GPC6: variants seen among roughly 807,000 people sequenced by gnomAD.
GPC6 encodes glypican 6, also known as glypican-6.
Under a neutral mutation model 55.2 loss-of-function variants are expected in GPC6, and 14 were observed. The observed-to-expected ratio is 0.25, with a 90% CI of 0.17 to 0.40. The LOEUF is 0.40. Among genes scored for constraint, GPC6 ranks in the 10% least tolerant of loss-of-function variants. GPC6 has a pLI of 1.00. For synonymous variants in GPC6, 278 were observed against 259.6 expected, an observed-to-expected ratio of 1.07 and a Z score of -0.68; for missense variants, 641 against 708.5, an observed-to-expected ratio of 0.90 and a Z score of 1.08.
At chr13:94,059,330 A>C (rs1200746203) in intron 4 of GPC6, among the ~76,000 whole-genome samples, 1 of 151,890 alleles carries the variant, frequency 6.6e-6, no homozygotes, top group East Asian at 1.9e-4. Flanking sequence ...GAGTGCCTAC[A>C]TGGAAGGAAA....
chr13:93,932,198 G>C (rs1878212306), intron 3 of GPC6, among the ~76,000 whole-genome samples: 1 of 152,130 alleles, frequency 6.6e-6, no homozygotes. Context: ...CTGATTGCAA[G>C]GCTAAATTTT....
intron 1 of GPC6, among the ~76,000 whole-genome samples, chr13:93,543,158 G>T (rs1207882638): frequency 6.6e-6 from 1 of 152,008 alleles, no homozygotes; most frequent in Non-Finnish European, 1.5e-5. Context: ...TTGGCTGTGG[G>T]TTTGTCATAG....
intron 6 of GPC6, among the ~76,000 whole-genome samples, chr13:94,350,663 G>T (rs1878495487): frequency 6.6e-6 from 1 of 152,168 alleles, no homozygotes; most frequent in East Asian, 1.9e-4. Flanking sequence ...ATGTGTGTAT[G>T]TATCATATTA....
At chr13:93,293,307 T>G (rs887511076) in intron 1 of GPC6, among the ~76,000 whole-genome samples, 7 of 152,200 alleles carry the variant, frequency 4.6e-5, no homozygotes, top group Non-Finnish European at 8.8e-5. Context: ...ATATAGTGTT[T>G]GGGAAACCTT....
rs140558693 is a variant in GPC6, at chr13:94,318,517, A to G, written c.1152+12394A>G. Among the ~76,000 whole-genome samples, 439 of 152,296 alleles carry G rather than the reference A, an allele frequency of 2.9e-3. 4 individuals are homozygous for G. Among genetic ancestry groups the G allele is most frequent in the African/African-American group, 9.5e-3 (394 of 41,568 alleles). ...TCTCTCGTGCGTGCGCTCTCTAAAT[A>G]TCTTATTGTGTAATACTCACCCTTC... On this transcript the variant is annotated intron_variant, in intron 6 of 8. Transcript: ENST00000377047.
At chr13:94,214,745 A>G (rs1890178523) in intron 4 of GPC6, among the ~76,000 whole-genome samples, 1 of 152,216 alleles carries the variant, frequency 6.6e-6, no homozygotes, top group Admixed American at 6.5e-5. Flanking sequence ...TGGGTTAAGA[A>G]CAAAGGGCAT....
At chr13:93,993,295 CTTTTTT>C (rs545224527) in intron 3 of GPC6, among the ~76,000 whole-genome samples, 2 of 139,868 alleles carry the variant, frequency 1.4e-5, no homozygotes, top group African/African-American at 5.2e-5. Flanking sequence ...TTCTTTCTTT[CTTTTTT>C]TTTTTTTTTG....
chr13:94,035,639 T>A (rs181570668), intron 4 of GPC6, among the ~76,000 whole-genome samples: 1 of 152,150 alleles, frequency 6.6e-6, no homozygotes, highest in Admixed American at 6.6e-5. Flanking sequence ...AGTCTCAAGA[T>A]TAGCAGCTAA....
chr13:93,789,460 A>G (rs1885922436), intron 2 of GPC6, among the ~76,000 whole-genome samples: 1 of 143,844 alleles, frequency 7.0e-6, no homozygotes, highest in Non-Finnish European at 1.5e-5. Context: ...CATTACAGTA[A>G]AGGACTTAAA....
At chr13:93,703,875 A>G (rs1882757691) in intron 2 of GPC6, among the ~76,000 whole-genome samples, 1 of 151,962 alleles carries the variant, frequency 6.6e-6, no homozygotes, top group Admixed American at 6.6e-5. Context: ...AACCGTGATT[A>G]CAGGATTTCA....
chr13:93,757,740 A>G (rs189628782), intron 2 of GPC6, among the ~76,000 whole-genome samples: 1 of 152,172 alleles, frequency 6.6e-6, no homozygotes, highest in Non-Finnish European at 1.5e-5. Flanking sequence ...GACTCCAGCA[A>G]GGATTCTGAA....
chr13:93,293,492 T>C (rs368581089), intron 1 of GPC6, among the ~76,000 whole-genome samples: 2 of 135,632 alleles, frequency 1.5e-5, no homozygotes, highest in East Asian at 4.5e-4. Flanking sequence ...TGAGTAGAAA[T>C]TAAACTTGTG....
At chr13:94,100,768 C>T (rs1885826778) in intron 4 of GPC6, among the ~76,000 whole-genome samples, 3 of 152,152 alleles carry the variant, frequency 2.0e-5, no homozygotes, top group Admixed American at 2.0e-4. Flanking sequence ...TACTTATTGA[C>T]TGTTGACTCT....
chr13:93,302,444 G>A (rs891297759), intron 1 of GPC6, among the ~76,000 whole-genome samples: 2 of 152,300 alleles, frequency 1.3e-5, no homozygotes, highest in East Asian at 1.9e-4. Flanking sequence ...TTTAAGAATA[G>A]CACTTTGTAT....
intron 2 of GPC6, among the ~76,000 whole-genome samples, chr13:93,612,520 C>CACACACAG (rs1204041482): frequency 6.6e-6 from 1 of 151,622 alleles, no homozygotes; most frequent in East Asian, 1.9e-4. Flanking sequence ...CACACACACA[C>CACACACAG]ACACACACAC....
At position 93,238,880 on chromosome 13, in the gene GPC6, G is replaced by A. The variant is rs150697881; in HGVS notation, c.160+11264G>A. Among the ~76,000 whole-genome samples, 549 of 152,100 alleles carry A rather than the reference G, an allele frequency of 3.6e-3. 1 individual carries two copies. The highest frequency in any genetic ancestry group is 0.013 in the African/African-American group (524 of 41,508). On this transcript the variant is annotated intron_variant, in intron 1 of 8. Coordinates refer to ENST00000377047, the MANE Select transcript of GPC6 (RefSeq NM_005708.5). ...CTTTTGTTATTAATTCTGTTTATGT[G>A]GTGAATTACATTTGTTGACTTGCAT...
chr13:93,704,782 A>G (rs1323980467), intron 2 of GPC6, among the ~76,000 whole-genome samples: 3 of 151,998 alleles, frequency 2.0e-5, no homozygotes, highest in African/African-American at 4.8e-5. Flanking sequence ...GAAATGCTCA[A>G]ATCTGTCTCT....
At position 94,403,304 on chromosome 13, in the gene GPC6, A is replaced by G; in HGVS notation, c.*87A>G. ...TTCTTACACTCTTGGACAATGGACC[A>G]TGCCACAAAAACTTACCGTTTTCTA... On this transcript the variant is annotated 3_prime_UTR_variant, in exon 9 of 9. Transcript: ENST00000377047. 4 of 961,738 alleles carry G rather than the reference A, an allele frequency of 4.2e-6. No individual in the cohort carries two copies. The highest frequency in any genetic ancestry group is 4.1e-5 in the South Asian group (3 of 73,644). The allele number at this position is 961,738 out of a possible 1,614,324, so 59.6% of individuals were successfully genotyped here.
chr13:93,354,730 T>A (rs1485017718), intron 1 of GPC6, among the ~76,000 whole-genome samples: 1 of 152,022 alleles, frequency 6.6e-6, no homozygotes, highest in African/African-American at 2.4e-5. Flanking sequence ...CAAGGTTGGT[T>A]AGAATAAGTA....
Sources: allele counts gnomAD v4.1 joint callset (sites outside exome capture counted in the v4.1 genomes callset), GRCh38; gene constraint gnomAD v4.1.1; transcripts MANE v1.5; gene names NCBI Gene and HGNC (gene_info 2026-07-23, HGNC 2026-07-21).